ATF6: variants seen among roughly 807,000 people sequenced by gnomAD.
The protein encoded by ATF6 is cyclic AMP-dependent transcription factor ATF-6 alpha.
In ATF6, 53 loss-of-function variants were observed where a neutral mutation model predicts 83.6. The ratio of observed to expected loss-of-function variants is 0.63; its 90% CI spans 0.51 to 0.80. The LOEUF (loss-of-function observed/expected upper bound fraction) is 0.80, where lower values mean the gene tolerates loss of function less well. ATF6 is among the 30% of genes least tolerant of loss of function. The pLI, the probability that ATF6 is intolerant of heterozygous loss-of-function variation, is 0.00. For missense variants in ATF6, 744 were observed against 797.9 expected (o/e 0.93, Z 0.81); for synonymous variants, 288 against 285.8 (o/e 1.01, Z -0.08).
At chr1:161,957,634 C>A (rs1214303235) in intron 15 of ATF6, among the ~76,000 whole-genome samples, 2 of 152,116 alleles carry the variant, frequency 1.3e-5, no homozygotes, top group African/African-American at 2.4e-5. Flanking sequence ...ATTTTAAACT[C>A]ATGATAATGA....
At chr1:161,950,664 A>T (rs892098050) in intron 15 of ATF6, among the ~76,000 whole-genome samples, 2 of 152,174 alleles carry the variant, frequency 1.3e-5, no homozygotes, top group Non-Finnish European at 2.9e-5. Flanking sequence ...TAGGACAGTG[A>T]ATCAGGTTCC....
At chr1:161,844,676 A>G (rs1246190796) in intron 9 of ATF6, among the ~76,000 whole-genome samples, 2 of 152,196 alleles carry the variant, frequency 1.3e-5, no homozygotes, top group Non-Finnish European at 2.9e-5. Context: ...GCTTACTTTC[A>G]TAATTAGAAT....
intron 9 of ATF6, among the ~76,000 whole-genome samples, chr1:161,826,131 G>T (rs1314472556): frequency 1.5e-4 from 23 of 152,142 alleles, no homozygotes; most frequent in Non-Finnish European, 4.4e-5. Flanking sequence ...GCTGCTAGTG[G>T]CAATCATGGG....
At chr1:161,900,441 C>T (rs1034432525) in intron 14 of ATF6, among the ~76,000 whole-genome samples, 1 of 152,092 alleles carries the variant, frequency 6.6e-6, no homozygotes, top group Non-Finnish European at 1.5e-5. Context: ...TTTTTACGAG[C>T]CTGCTGAACT....
At chr1:161,897,284 G>C (rs12124369) in intron 14 of ATF6, among the ~76,000 whole-genome samples, 3 of 151,358 alleles carry the variant, frequency 2.0e-5, no homozygotes, top group Non-Finnish European at 4.4e-5. Context: ...AATACAAAAA[G>C]TTAGCCGGGC....
At chr1:161,833,494 T>C (rs1474287555) in intron 9 of ATF6, among the ~76,000 whole-genome samples, 1 of 151,712 alleles carries the variant, frequency 6.6e-6, no homozygotes, top group Non-Finnish European at 1.5e-5. Context: ...GGCAAAAAAG[T>C]TAAAAACTTT....
chr1:161,948,397 A>T (rs1688797188), intron 15 of ATF6, among the ~76,000 whole-genome samples: 2 of 152,212 alleles, frequency 1.3e-5, no homozygotes, highest in Admixed American at 1.3e-4. Context: ...AATATTGAAA[A>T]TACCAAAGTG....
rs192028895 is a variant in ATF6, at chr1:161,894,135, G to T, written c.1720-18161G>T. Among the ~76,000 whole-genome samples the T allele has an allele frequency of 2.4e-3, 362 of 151,674 alleles. 3 individuals carry two copies. Among genetic ancestry groups the T allele is most frequent in the African/African-American group, 8.4e-3 (349 of 41,342 alleles). Reference sequence around the variant, plus strand: ...ACTTAGGAACTGGTGTTACAATATGGTATCCAATGTGAATCATTTGCCTGT... The same window carrying T: ...ACTTAGGAACTGGTGTTACAATATGTTATCCAATGTGAATCATTTGCCTGT... On this transcript the variant is annotated intron_variant, in intron 14 of 15. Coordinates refer to ENST00000367942, the MANE Select transcript of ATF6 (RefSeq NM_007348.4).
At chr1:161,766,508 C>T in intron 1 of ATF6, 66 bp downstream of exon 1, 1 of 1,499,040 alleles carries the variant, frequency 6.7e-7, no homozygotes, top group Non-Finnish European at 9.2e-7. Flanking sequence ...TTCCTCCCTA[C>T]TTCCGCCCAC....
At chr1:161,891,710 G>A (rs1687561306) in intron 14 of ATF6, 1 of 152,190 alleles carries the variant, frequency 6.6e-6, no homozygotes, top group South Asian at 2.1e-4. Flanking sequence ...TTGCCTTCAG[G>A]AGTTGGCGGA....
intron 11 of ATF6, 117 bp downstream of exon 11, chr1:161,851,952 GTGGATAA>G (rs1686641724): frequency 4.0e-6 from 3 of 744,362 alleles, no homozygotes; most frequent in Admixed American, 4.4e-5. Flanking sequence ...TGAATTATTT[GTGGATAA>G]CTGTAGGCAT....
intron 10 of ATF6, among the ~76,000 whole-genome samples, chr1:161,849,471 T>C (rs895997241): frequency 6.6e-6 from 1 of 152,220 alleles, no homozygotes; most frequent in African/African-American, 2.4e-5. Context: ...GCCAGAGTTA[T>C]TTCTGTTAAG....
chr1:161,802,268 C>T lies in ATF6; in HGVS notation c.905C>T (p.Ser302Leu), dbSNP rs1372193819. The change falls in exon 7 of 16, where the codon TCA becomes TTA. Residue 302 changes from serine (S) to leucine (L), a missense_variant. Physicochemically the swap from Ser to Leu is moderately radical, Grantham distance 145. Coordinates refer to ENST00000367942, the MANE Select transcript of ATF6 (RefSeq NM_007348.4). ...CAAAGTACCATGAGAAATGTCGGTT[C>T]AGATGTAAGTTTTGAAACTTAGTGC... ...VLQSTMRNVG[S>L]DIAVLRRQQR... 1.9e-6 allele frequency: 3 copies of T among 1,613,472 alleles called. No individual in the cohort carries two copies. The highest frequency in any genetic ancestry group is 2.5e-6 in the Non-Finnish European group (3 of 1,179,570).
At chr1:161,808,882 C>T (rs977354544) in intron 7 of ATF6, among the ~76,000 whole-genome samples, 2 of 151,918 alleles carry the variant, frequency 1.3e-5, no homozygotes, top group African/African-American at 4.8e-5. Context: ...TTTTCTTATT[C>T]TTTTAATAGC....
chr1:161,897,392 G>T (rs1216081619), intron 14 of ATF6, among the ~76,000 whole-genome samples: 1 of 152,022 alleles, frequency 6.6e-6, no homozygotes, highest in Non-Finnish European at 1.5e-5. Flanking sequence ...GTGAGTCAAG[G>T]TGCCATTGCA....
Position 161,766,443 on chromosome 1 carries a change from G to T in ATF6, c.82+1G>T, listed in dbSNP as rs2101705947. ...TTTCACAGGCTGGATGAAGATTGGGGTGAGTGGGATCTGAGAATGTACCAG... is the reference window on the plus strand; with the variant it reads ...TTTCACAGGCTGGATGAAGATTGGGTTGAGTGGGATCTGAGAATGTACCAG... On this transcript the variant is annotated splice_donor_variant, in intron 1 of 15. Coordinates refer to ENST00000367942, the MANE Select transcript of ATF6 (RefSeq NM_007348.4). LOFTEE classifies it high-confidence loss of function. The T allele has an allele frequency of 1.2e-6, 2 of 1,612,818 alleles. No individual in the cohort carries two copies. Among genetic ancestry groups the T allele is most frequent in the Non-Finnish European group, 8.5e-7 (1 of 1,179,336 alleles).
chr1:161,869,990 A>C (rs1475005076), intron 14 of ATF6, among the ~76,000 whole-genome samples: 1 of 150,690 alleles, frequency 6.6e-6, no homozygotes, highest in Non-Finnish European at 1.5e-5. Context: ...CATTAGAACT[A>C]GGGCAATAAT....
intron 15 of ATF6, among the ~76,000 whole-genome samples, chr1:161,953,264 T>G (rs564944862): frequency 2.6e-5 from 4 of 152,300 alleles, no homozygotes; most frequent in Non-Finnish European, 4.4e-5. Context: ...ATATGAGATA[T>G]AAGACAGTTG....
At chr1:161,876,986 A>G (rs1181788418) in intron 14 of ATF6, among the ~76,000 whole-genome samples, 1 of 152,070 alleles carries the variant, frequency 6.6e-6, no homozygotes, top group East Asian at 1.9e-4. Flanking sequence ...AAAAGATTTA[A>G]AAATAATATT....
Sources: allele counts gnomAD v4.1 joint callset (sites outside exome capture counted in the v4.1 genomes callset), GRCh38; gene constraint gnomAD v4.1.1; transcripts MANE v1.5; gene names NCBI Gene and HGNC (gene_info 2026-07-23, HGNC 2026-07-21).